LOC122539214: variants seen among roughly 807,000 people sequenced by gnomAD.
At chr19:52,653,663 C>T in the LOC122539214 span, among the ~76,000 whole-genome samples, 1 of 152,150 alleles carries the variant, frequency 6.6e-6, no homozygotes, top group African/African-American at 2.4e-5. Flanking sequence ...GGTTTTTCTC[C>T]AGTATGAAGT....
At chr19:52,683,802 C>G in the LOC122539214 span, among the ~76,000 whole-genome samples, 1 of 152,122 alleles carries the variant, frequency 6.6e-6, no homozygotes. Context: ...ACATTTGCCC[C>G]AGCCCCTCAG....
chr19:52,662,990 C>T, the LOC122539214 span, among the ~76,000 whole-genome samples: 2,466 of 151,986 alleles, frequency 0.016, 189 homozygotes, highest in Admixed American at 0.14. Context: ...CGGTGAAATC[C>T]CGTCTCTATG....
chr19:52,670,762 T>C, the LOC122539214 span, among the ~76,000 whole-genome samples: 1 of 152,182 alleles, frequency 6.6e-6, no homozygotes, highest in African/African-American at 2.4e-5. Context: ...ATTTAAAAGA[T>C]GCATTAATTT....
chr19:52,658,413 A>G, the LOC122539214 span, among the ~76,000 whole-genome samples: 1 of 152,028 alleles, frequency 6.6e-6, no homozygotes, highest in Non-Finnish European at 1.5e-5. Context: ...CAAAAATACA[A>G]CAATTAGCCA....
At chr19:52,672,836 A>G in the LOC122539214 span, among the ~76,000 whole-genome samples, 1 of 152,110 alleles carries the variant, frequency 6.6e-6, no homozygotes, top group East Asian at 1.9e-4. Flanking sequence ...CTGACCTTCC[A>G]AAGTGCTGGG....
chr19:52,677,180 AC>A, the LOC122539214 span, among the ~76,000 whole-genome samples: 1 of 151,784 alleles, frequency 6.6e-6, no homozygotes, highest in African/African-American at 2.4e-5. Context: ...AATCAAAAAA[AC>A]AAAAACAAAA....
the LOC122539214 span, among the ~76,000 whole-genome samples, chr19:52,680,854 C>T: frequency 1.3e-5 from 2 of 150,924 alleles, no homozygotes; most frequent in African/African-American, 2.4e-5. Flanking sequence ...CCTCGTGATC[C>T]GCCCGCCTCG....
the LOC122539214 span, among the ~76,000 whole-genome samples, chr19:52,688,608 T>A: frequency 6.6e-6 from 1 of 152,006 alleles, no homozygotes; most frequent in Non-Finnish European, 1.5e-5. Flanking sequence ...CTCCTGCTGT[T>A]TATCCCCTTC....
the LOC122539214 span, among the ~76,000 whole-genome samples, chr19:52,657,956 G>C: frequency 6.6e-6 from 1 of 151,862 alleles, no homozygotes. Flanking sequence ...GATCAACATA[G>C]AGAAACTCTG....
At chr19:52,654,167 C>T in the LOC122539214 span, 4 of 1,603,636 alleles carry the variant, frequency 2.5e-6, no homozygotes, top group Admixed American at 3.3e-5. Flanking sequence ...TGCCTTTGAT[C>T]ACGTCGGTCT....
At chr19:52,685,281 C>T in the LOC122539214 span, among the ~76,000 whole-genome samples, 29 of 152,146 alleles carry the variant, frequency 1.9e-4, no homozygotes, top group South Asian at 3.1e-3. Context: ...ACATTTTCAC[C>T]GAGTTACCCT....
chr19:52,687,633 GTATA>G, the LOC122539214 span, among the ~76,000 whole-genome samples: 11,819 of 27,816 alleles, frequency 0.42, 3,195 homozygotes, highest in Middle Eastern at 0.5. Flanking sequence ...TATATATAAT[GTATA>G]TATATATATA....
the LOC122539214 span, chr19:52,653,006 G>T: frequency 7.2e-7 from 1 of 1,391,066 alleles, no homozygotes; most frequent in Non-Finnish European, 1.0e-6. Flanking sequence ...TGAACTCTCT[G>T]ATGTTGTGCA....
the LOC122539214 span, among the ~76,000 whole-genome samples, chr19:52,656,851 C>G: frequency 0.57 from 81,969 of 144,914 alleles, 23,085 homozygotes; most frequent in East Asian, 0.72. Context: ...ATCGACAGAG[C>G]GAGACTCCGT....
the LOC122539214 span, among the ~76,000 whole-genome samples, chr19:52,685,220 C>G: frequency 6.6e-6 from 1 of 152,276 alleles, no homozygotes; most frequent in East Asian, 1.9e-4. Flanking sequence ...CTTTTCTGGT[C>G]TAGCCCCTCA....
the LOC122539214 span, among the ~76,000 whole-genome samples, chr19:52,675,557 C>G: frequency 1.3e-5 from 2 of 152,172 alleles, no homozygotes; most frequent in East Asian, 3.9e-4. Flanking sequence ...AGTGGATGAA[C>G]AAGGTCTTGA....
the LOC122539214 span, among the ~76,000 whole-genome samples, chr19:52,675,856 AGG>A: frequency 4.6e-5 from 7 of 152,220 alleles, no homozygotes; most frequent in East Asian, 1.9e-4. Context: ...TATTGACCAG[AGG>A]TTAACTATAC....
the LOC122539214 span, among the ~76,000 whole-genome samples, chr19:52,664,938 C>T: frequency 6.6e-6 from 1 of 152,100 alleles, no homozygotes; most frequent in Non-Finnish European, 1.5e-5. Context: ...GAGAAGTGAA[C>T]ATGGGGTGGT....
the LOC122539214 span, chr19:52,654,133 T>C: frequency 7.5e-6 from 12 of 1,605,614 alleles, no homozygotes; most frequent in East Asian, 2.7e-4. Context: ...TCCAAGCTGA[T>C]CTTTAATAGG....
Sources: allele counts gnomAD v4.1 joint callset (sites outside exome capture counted in the v4.1 genomes callset), GRCh38; gene constraint gnomAD v4.1.1; transcripts MANE v1.5.